Variants in ZNF69 observed in about 807,000 individuals in gnomAD.
ZNF69 encodes ZNF3.
A neutral mutation model predicts 50.9 loss-of-function variants in ZNF69; 47 were observed. The ratio of observed to expected loss-of-function variants is 0.92; its 90% CI spans 0.73 to 1.18. The LOEUF is 1.18. Among genes scored for constraint, ZNF69 ranks in the 50% most tolerant of loss-of-function variants. The pLI, the probability that ZNF69 is intolerant of heterozygous loss-of-function variation, is 0.00. For missense variants in ZNF69, 717 were observed against 675.1 expected (o/e 1.06, Z -0.69); for synonymous variants, 216 against 223.1 (o/e 0.97, Z 0.29).
chr19:11,905,116 G>T lies in ZNF69; in HGVS notation c.719G>T (p.Arg240Ile), dbSNP rs758855667. Residue 240 changes from arginine to isoleucine, a missense_variant, in exon 4 of 4, where the codon AGA becomes ATA. By Grantham distance (97) the Arg-to-Ile change is moderately conservative. Transcript: ENST00000429654. ...HCLSLYLIHERIHTGEKPYEC... is the reference protein window; with the variant it reads ...HCLSLYLIHEIIHTGEKPYEC... Reference sequence around the variant, plus strand: ...CTCAGTTTATATCTTATCCATGAAAGAATTCACACTGGAGAGAAACCATAT... The same window carrying T: ...CTCAGTTTATATCTTATCCATGAAATAATTCACACTGGAGAGAAACCATAT... The T allele has an allele frequency of 2.5e-6, 4 of 1,614,042 alleles. No homozygotes were observed. The African/African-American group carries it at 4.0e-5, about 16-fold the overall frequency.
chr19:11,942,953 C>G, the ZNF69 span, among the ~76,000 whole-genome samples: 1 of 152,190 alleles, frequency 6.6e-6, no homozygotes, highest in African/African-American at 2.4e-5. Flanking sequence ...TTCTCACTTT[C>G]ATCCTTACTA....
chr19:11,928,529 G>A, the ZNF69 span, among the ~76,000 whole-genome samples: 6 of 148,712 alleles, frequency 4.0e-5, no homozygotes, highest in African/African-American at 1.3e-4. Flanking sequence ...TCAGGAGATC[G>A]AGACCATCCC....
chr19:11,947,526 G>A, the ZNF69 span: 44,275 of 1,611,672 alleles, frequency 0.027, 1,905 homozygotes, highest in African/African-American at 0.2. Flanking sequence ...AAAAAATGGA[G>A]TGACCAGAAC....
the ZNF69 span, among the ~76,000 whole-genome samples, chr19:11,951,859 C>G: frequency 6.6e-6 from 1 of 152,226 alleles, no homozygotes; most frequent in African/African-American, 2.4e-5. Context: ...CGGTATGTGA[C>G]TTGTGTCTCT....
chr19:11,960,305 A>G, the ZNF69 span, among the ~76,000 whole-genome samples: 1 of 152,206 alleles, frequency 6.6e-6, no homozygotes. Flanking sequence ...GGCGTGCGCC[A>G]CTGCGCCCGT....
chr19:11,977,592 C>T, the ZNF69 span, among the ~76,000 whole-genome samples: 5 of 152,202 alleles, frequency 3.3e-5, no homozygotes, highest in Admixed American at 6.5e-5. Context: ...AGTCTGAGGG[C>T]TCACTCCTGT....
the ZNF69 span, chr19:11,947,712 A>G: frequency 2.2e-6 from 2 of 910,260 alleles, no homozygotes; most frequent in African/African-American, 1.7e-5. Context: ...CAAAAAACAT[A>G]TATTTAAACG....
chr19:11,953,681 G>T, the ZNF69 span, among the ~76,000 whole-genome samples: 1 of 152,168 alleles, frequency 6.6e-6, no homozygotes, highest in Non-Finnish European at 1.5e-5. Flanking sequence ...TCATGGGAGG[G>T]TTTTAAGACC....
chr19:11,949,372 G>A, the ZNF69 span: 1 of 1,607,500 alleles, frequency 6.2e-7, no homozygotes, highest in Non-Finnish European at 8.5e-7. Context: ...TGAATGTAAG[G>A]AATGTGGGAA....
chr19:11,937,921 G>T, the ZNF69 span, among the ~76,000 whole-genome samples: 2 of 152,158 alleles, frequency 1.3e-5, no homozygotes, highest in East Asian at 3.8e-4. Flanking sequence ...TTGAATTGCA[G>T]ATGTGTGAGA....
At chr19:11,957,091 G>GTT in the ZNF69 span, among the ~76,000 whole-genome samples, 2 of 146,662 alleles carry the variant, frequency 1.4e-5, no homozygotes, top group Admixed American at 1.4e-4. Context: ...TAAGAAATAA[G>GTT]TTTTTTTTTT....
intron 1 of ZNF69, among the ~76,000 whole-genome samples, chr19:11,890,303 C>T (rs533768288): frequency 6.6e-6 from 1 of 152,274 alleles, no homozygotes; most frequent in East Asian, 1.9e-4. Context: ...GGCAGAGGTC[C>T]CTGCGGCTTT....
At chr19:11,898,611 G>A (rs1168158219) in intron 1 of ZNF69, among the ~76,000 whole-genome samples, 5 of 151,988 alleles carry the variant, frequency 3.3e-5, no homozygotes, top group Admixed American at 1.3e-4. Context: ...GGCTGGTCTC[G>A]AACTCCTGAC....
the ZNF69 span, chr19:11,948,498 A>T: frequency 5.6e-6 from 9 of 1,613,976 alleles, no homozygotes; most frequent in African/African-American, 9.3e-5. Context: ...AGTATCAGGA[A>T]TATGGACCAA....
the ZNF69 span, chr19:11,978,952 AG>A: frequency 6.2e-7 from 1 of 1,614,228 alleles, no homozygotes; most frequent in South Asian, 1.1e-5. Flanking sequence ...TATCAATGTA[AG>A]GAATGTAGAA....
the ZNF69 span, among the ~76,000 whole-genome samples, chr19:11,931,671 T>TGAAA: frequency 9.4e-5 from 14 of 148,462 alleles, no homozygotes; most frequent in Admixed American, 2.0e-4. Context: ...TTCAGAGAGG[T>TGAAA]TACATCATAG....
intron 1 of ZNF69, 128 bp downstream of exon 1, chr19:11,888,114 CGCTCGGCCCTCGGTCCCCTCGACT>C: frequency 1.2e-6 from 1 of 800,800 alleles, no homozygotes; most frequent in Non-Finnish European, 2.0e-6. Context: ...CTCCTGGAGC[CGCTCGGCCCTCGGTCCCCTCGACT>C]GCTCGGTGTG....
chr19:11,954,699 G>T, the ZNF69 span, among the ~76,000 whole-genome samples: 1 of 152,138 alleles, frequency 6.6e-6, no homozygotes, highest in African/African-American at 2.4e-5. Flanking sequence ...GGATGTGGTG[G>T]CACATACCAT....
chr19:11,923,649 G>C, the ZNF69 span, among the ~76,000 whole-genome samples: 1 of 152,220 alleles, frequency 6.6e-6, no homozygotes, highest in Non-Finnish European at 1.5e-5. Context: ...CCGCGATCTG[G>C]AAGTCTTTCA....
Sources: allele counts gnomAD v4.1 joint callset (sites outside exome capture counted in the v4.1 genomes callset), GRCh38; gene constraint gnomAD v4.1.1; transcripts MANE v1.5; gene names NCBI Gene and HGNC (gene_info 2026-07-23, HGNC 2026-07-21).